CDHR1: variants seen among roughly 807,000 people sequenced by gnomAD.
The protein encoded by CDHR1 is cadherin related family member 1.
CDHR1 carries 61 observed loss-of-function variants against 72.1 expected under a neutral mutation model. The observed-to-expected ratio is 0.85, with a 90% CI of 0.69 to 1.05. CDHR1 has a LOEUF of 1.05. CDHR1 is among the 50% of genes least tolerant of loss of function. CDHR1 has a pLI of 0.00. For synonymous variants in CDHR1, 470 were observed against 448.1 expected, an observed-to-expected ratio of 1.05 and a Z score of -0.62; for missense variants, 1,186 against 1,115.7, an observed-to-expected ratio of 1.06 and a Z score of -0.90.
rs549635004 is a variant in CDHR1, at chr10:84,216,157, A to C, written c.*1536A>C. 9 of 985,454 alleles carry C rather than the reference A, an allele frequency of 9.1e-6. No individual in the cohort carries two copies. The East Asian group carries it at 7.9e-4, about 87-fold the overall frequency. The allele number at this position is 985,454 out of a possible 1,614,324, so 61.0% of individuals were successfully genotyped here. A position where few individuals can be genotyped will look rare whatever the true frequency, so the allele number is the denominator to read the frequency against. On this transcript the variant is annotated 3_prime_UTR_variant, in exon 17 of 17. Coordinates refer to ENST00000623527, the MANE Select transcript of CDHR1 (RefSeq NM_033100.4). ...GTGCACAGAGAGAGAAAAGTAGAAC[A>C]GTTCTTTGCATTTGGCTCTACTTAC... is the stretch of plus-strand genomic sequence containing the variant.
chr10:84,209,431 A>G (rs60647077), intron 12 of CDHR1, among the ~76,000 whole-genome samples: 3,885 of 152,288 alleles, frequency 0.026, 159 homozygotes, highest in African/African-American at 0.087. Flanking sequence ...CATGCTTAAA[A>G]GTGAAATACT....
At position 84,199,054 on chromosome 10, in the gene CDHR1, T is replaced by C; in HGVS notation, c.371T>C (p.Leu124Pro). 1 of 1,551,754 alleles carries C rather than the reference T, an allele frequency of 6.4e-7. No individual in the cohort carries two copies. The highest frequency in any genetic ancestry group is 8.7e-7 in the Non-Finnish European group (1 of 1,147,014). ...LNLVAEKVVI[L>P]VTDANDEAPR... Reference sequence around the variant, plus strand: ...CAGGTGGCCGAAAAAGTCGTGATCCTGGTGACCGATGCCAATGATGAGGCG... The same window carrying C: ...CAGGTGGCCGAAAAAGTCGTGATCCCGGTGACCGATGCCAATGATGAGGCG... Residue 124 changes from leucine (L) to proline (P), a missense_variant, in exon 5 of 17, where the codon CTG becomes CCG. Leu to Pro is a moderately conservative substitution (Grantham distance 98). Coordinates refer to ENST00000623527, the MANE Select transcript of CDHR1 (RefSeq NM_033100.4).
chr10:84,207,440 A>G (rs955771906), intron 10 of CDHR1, among the ~76,000 whole-genome samples: 3 of 152,176 alleles, frequency 2.0e-5, no homozygotes, highest in South Asian at 2.1e-4. Flanking sequence ...ATGAGAATCA[A>G]GAGGGATAGC....
At position 84,200,584 on chromosome 10, in the gene CDHR1, G is replaced by A. The variant is rs771510913; in HGVS notation, c.439-17G>A. 3.8e-6 allele frequency: 6 copies of A among 1,588,288 alleles called. No homozygotes were observed. The highest frequency in any genetic ancestry group is 5.2e-6 in the Non-Finnish European group (6 of 1,161,934). On this transcript the variant is annotated splice_polypyrimidine_tract_variant and intron_variant, in intron 5 of 16. Transcript: ENST00000623527. ...GTCACTGTCTCTGACCCTCCCCTGT[G>A]GCTGTGACCCCCTCAGGACATACCT...
chr10:84,217,863 C>A lies in CDHR1; in HGVS notation c.*3242C>A. On this transcript the variant is annotated 3_prime_UTR_variant, in exon 17 of 17. Coordinates refer to ENST00000623527, the MANE Select transcript of CDHR1 (RefSeq NM_033100.4). Reference sequence around the variant, plus strand: ...CAGCCTGCATTTGGGCGTTGACATTCCAGGGGAGTTAGGAACAATGAGAGG... The same window carrying A: ...CAGCCTGCATTTGGGCGTTGACATTACAGGGGAGTTAGGAACAATGAGAGG... The A allele has an allele frequency of 1.0e-6, 1 of 985,430 alleles. No homozygotes were observed. The highest frequency in any genetic ancestry group is 1.2e-6 in the Non-Finnish European group (1 of 829,952). The allele number at this position is 985,430 out of a possible 1,614,324, so 61.0% of individuals were successfully genotyped here. A position where few individuals can be genotyped will look rare whatever the true frequency, so the allele number is the denominator to read the frequency against.
chr10:84,215,576 A>T lies in CDHR1; in HGVS notation c.*955A>T. 1.1e-6 allele frequency: 1 copy of T among 874,208 alleles called. No homozygotes were observed. Among genetic ancestry groups the T allele is most frequent in the Non-Finnish European group, 1.4e-6 (1 of 728,640 alleles). The allele number at this position is 874,208 out of a possible 1,614,324, so 54.2% of individuals were successfully genotyped here. On this transcript the variant is annotated 3_prime_UTR_variant, in exon 17 of 17. Coordinates refer to ENST00000623527, the MANE Select transcript of CDHR1 (RefSeq NM_033100.4). ...AAAGTCGCTGATCATCCTCTTCCTC[A>T]TCTGTAAATGAAGAAAGTAGGCCCT...
At chr10:84,211,200 T>A in intron 13 of CDHR1, 35 bp downstream of exon 13, 1 of 1,609,760 alleles carries the variant, frequency 6.2e-7, no homozygotes, top group Non-Finnish European at 8.5e-7. Flanking sequence ...CTGGGTGGGA[T>A]AGGAGGCCTT....
At chr10:84,219,217 A>G, downstream of CDHR1, 1 of 1,550,930 alleles carries the variant, frequency 6.4e-7, no homozygotes, top group Non-Finnish European at 8.7e-7. Context: ...TGCCTTATTC[A>G]ATCTGAGTAA....
chr10:84,219,160 A>G, downstream of CDHR1: 3 of 1,549,954 alleles, frequency 1.9e-6, no homozygotes, highest in Non-Finnish European at 2.6e-6. Flanking sequence ...TAAGCCCAAG[A>G]AACCACATTC....
rs1326588840 is a variant in CDHR1, at chr10:84,216,392, T to C, written c.*1771T>C. On this transcript the variant is annotated 3_prime_UTR_variant, in exon 17 of 17. Coordinates refer to ENST00000623527, the MANE Select transcript of CDHR1 (RefSeq NM_033100.4). ...CAGGAGCCCAGACTGAGCAAATAAG[T>C]ACTTTCCAGCCTGTGTTTCAGGAGA... 4 of 985,380 alleles carry C rather than the reference T, an allele frequency of 4.1e-6. No homozygotes were observed. Among genetic ancestry groups the C allele is most frequent in the Admixed American group, 6.1e-5 (1 of 16,274 alleles). The allele number at this position is 985,380 out of a possible 1,614,324, so 61.0% of individuals were successfully genotyped here. A position where few individuals can be genotyped will look rare whatever the true frequency, so the allele number is the denominator to read the frequency against.
Position 84,218,363 on chromosome 10 carries a change from T to C in CDHR1, c.*3742T>C. The C allele has an allele frequency of 1.0e-6, 1 of 985,466 alleles. No individual in the cohort carries two copies. The highest frequency in any genetic ancestry group is 5.2e-4 in the Middle Eastern group (1 of 1,914). The allele number at this position is 985,466 out of a possible 1,614,324, so 61.0% of individuals were successfully genotyped here. A position where few individuals can be genotyped will look rare whatever the true frequency, so the allele number is the denominator to read the frequency against. ...GTTTGATGTTATAAAATCGTGCACA[T>C]GTACCCCTTTTGAGGCCTGAATGAG... is the stretch of plus-strand genomic sequence containing the variant. On this transcript the variant is annotated 3_prime_UTR_variant, in exon 17 of 17. Transcript: ENST00000623527.
chr10:84,196,145 C>A (rs1004481983), intron 2 of CDHR1, among the ~76,000 whole-genome samples: 11 of 152,204 alleles, frequency 7.2e-5, no homozygotes, highest in African/African-American at 1.2e-4. Context: ...TTTCCCCTTC[C>A]CTGTACCCAG....
chr10:84,216,319 C>T lies in CDHR1; in HGVS notation c.*1698C>T, dbSNP rs1413766215. The T allele has an allele frequency of 2.1e-5, 21 of 985,364 alleles. No individual in the cohort carries two copies. The highest frequency in any genetic ancestry group is 4.7e-5 in the South Asian group (1 of 21,290). 61.0% of individuals were successfully genotyped at this position (985,364 alleles called of 1,614,324 possible). A position where few individuals can be genotyped will look rare whatever the true frequency, so the allele number is the denominator to read the frequency against. On this transcript the variant is annotated 3_prime_UTR_variant, in exon 17 of 17. Coordinates refer to ENST00000623527, the MANE Select transcript of CDHR1 (RefSeq NM_033100.4). ...TGCAGAATCCTTGCTGGGGTTTCTA[C>T]AGTCCCCAACGTGAACAGTATTAAG...
intron 16 of CDHR1, 25 bp from the exon 17 acceptor site, chr10:84,214,057 T>C (rs544509157): frequency 2.5e-6 from 4 of 1,613,940 alleles, no homozygotes; most frequent in Admixed American, 1.7e-5. Flanking sequence ...AACAGCTGAG[T>C]GCAGGGAGTG....
At chr10:84,200,550 G>A (rs1842105020) in intron 5 of CDHR1, 51 bp from the exon 6 acceptor site, 2 of 1,320,264 alleles carry the variant, frequency 1.5e-6, no homozygotes, top group Non-Finnish European at 1.1e-6. Flanking sequence ...CTGTCCCCCT[G>A]AGAATGCTGT....
intron 1 of CDHR1, 38 bp downstream of exon 1, chr10:84,194,853 C>T (rs377213415): frequency 5.3e-5 from 81 of 1,525,492 alleles, no homozygotes; most frequent in Non-Finnish European, 6.2e-5. Flanking sequence ...GCGTGGATGG[C>T]GAGGGAGATG....
downstream of CDHR1, chr10:84,219,270 A>T (rs1372172785): frequency 1.3e-6 from 2 of 1,550,242 alleles, no homozygotes; most frequent in Non-Finnish European, 1.7e-6. Flanking sequence ...CAGCCCAAGC[A>T]TCTTAAAAAG....
At chr10:84,199,605 T>C (rs1396960321) in intron 5 of CDHR1, among the ~76,000 whole-genome samples, 1 of 152,264 alleles carries the variant, frequency 6.6e-6, no homozygotes, top group Non-Finnish European at 1.5e-5. Context: ...GTCTATCATT[T>C]ACAGAATCAT....
At chr10:84,218,929 T>A (rs1037096222), downstream of CDHR1, 1 of 541,102 alleles carries the variant, frequency 1.8e-6, no homozygotes, top group Non-Finnish European at 3.0e-6. Context: ...TACTGAGGGT[T>A]TACTATGTGC....
Sources: allele counts gnomAD v4.1 joint callset (sites outside exome capture counted in the v4.1 genomes callset), GRCh38; gene constraint gnomAD v4.1.1; transcripts MANE v1.5; gene names NCBI Gene and HGNC (gene_info 2026-07-23, HGNC 2026-07-21).